The following SORCS2 variants were observed in gnomAD, a reference collection of about 807,000 sequenced individuals.
SORCS2 encodes the protein VPS10 domain-containing receptor SorCS2.
Under a neutral mutation model 141.6 loss-of-function variants are expected in SORCS2, and 100 were observed. The ratio of observed to expected loss-of-function variants is 0.71; its 90% CI spans 0.60 to 0.83. The LOEUF (loss-of-function observed/expected upper bound fraction) is 0.83. Ranked by LOEUF, SORCS2 falls within the 40% of genes least tolerant of loss-of-function variation. The pLI is 0.00. For missense variants in SORCS2, 1,646 were observed against 1,560.2 expected (o/e 1.05, Z -0.93); for synonymous variants, 789 against 676.9 (o/e 1.17, Z -2.57).
chr4:7,227,256 C>T (rs1436243069), intron 1 of SORCS2, among the ~76,000 whole-genome samples: 1 of 152,218 alleles, frequency 6.6e-6, no homozygotes. Context: ...TGGCTCCACA[C>T]CCCCACTTGC....
chr4:7,543,513 ATCCATCCG>A (rs1450149127), intron 3 of SORCS2, among the ~76,000 whole-genome samples: 8 of 71,662 alleles, frequency 1.1e-4, no homozygotes, highest in Non-Finnish European at 1.6e-4. Context: ...CCATCCATCC[ATCCATCCG>A]TCCATCCATC....
chr4:7,569,813 CTT>C (rs1715266803), intron 3 of SORCS2, among the ~76,000 whole-genome samples: 1 of 152,182 alleles, frequency 6.6e-6, no homozygotes, highest in South Asian at 2.1e-4. Context: ...GAAATAGATG[CTT>C]CTGCAAAACT....
intron 2 of SORCS2, among the ~76,000 whole-genome samples, chr4:7,409,256 G>A (rs1725157810): frequency 6.6e-6 from 1 of 152,200 alleles, no homozygotes; most frequent in East Asian, 1.9e-4. Flanking sequence ...TCTAAGTGGT[G>A]CCTTAAGCCC....
chr4:7,237,986 T>C (rs4689094), intron 1 of SORCS2, among the ~76,000 whole-genome samples: 45,940 of 151,870 alleles, frequency 0.3, 7,398 homozygotes, highest in East Asian at 0.48. Flanking sequence ...GGGATACCAG[T>C]GGACTGTGGG....
At chr4:7,282,171 C>T (rs1382853894) in intron 1 of SORCS2, among the ~76,000 whole-genome samples, 1 of 152,212 alleles carries the variant, frequency 6.6e-6, no homozygotes, top group African/African-American at 2.4e-5. Flanking sequence ...GCTGTCATTA[C>T]AGATGGGAAG....
At chr4:7,219,026 G>T (rs193223625) in intron 1 of SORCS2, among the ~76,000 whole-genome samples, 1 of 152,062 alleles carries the variant, frequency 6.6e-6, no homozygotes, top group Non-Finnish European at 1.5e-5. Flanking sequence ...CCATGCCTGG[G>T]TGACTCCCTC....
chr4:7,468,903 A>G (rs1729793405), intron 2 of SORCS2, among the ~76,000 whole-genome samples: 1 of 152,152 alleles, frequency 6.6e-6, no homozygotes, highest in Non-Finnish European at 1.5e-5. Context: ...CCTGCTCCAC[A>G]TCTGGTGGCC....
At chr4:7,566,715 C>G (rs1249850422) in intron 3 of SORCS2, among the ~76,000 whole-genome samples, 4 of 152,250 alleles carry the variant, frequency 2.6e-5, no homozygotes, top group African/African-American at 9.6e-5. Flanking sequence ...ATTGCTCTTG[C>G]TCACAGCCAA....
chr4:7,505,739 G>A (rs1732237640), intron 2 of SORCS2, among the ~76,000 whole-genome samples: 1 of 152,172 alleles, frequency 6.6e-6, no homozygotes, highest in African/African-American at 2.4e-5. Context: ...GGCAGCGCCA[G>A]TGAGAAGCCT....
chr4:7,679,322 G>T (rs2108960585), intron 9 of SORCS2, among the ~76,000 whole-genome samples: 1 of 152,304 alleles, frequency 6.6e-6, no homozygotes, highest in Middle Eastern at 3.4e-3. Flanking sequence ...AAGGAGCCCT[G>T]GCCACAAGGC....
intron 1 of SORCS2, among the ~76,000 whole-genome samples, chr4:7,227,538 G>T (rs1395741339): frequency 6.6e-6 from 1 of 152,168 alleles, no homozygotes; most frequent in African/African-American, 2.4e-5. Flanking sequence ...GCTTTCTTGA[G>T]ATTTGGTGGA....
At chr4:7,673,819 C>G (rs551333550) in intron 8 of SORCS2, among the ~76,000 whole-genome samples, 1 of 152,158 alleles carries the variant, frequency 6.6e-6, no homozygotes, top group Non-Finnish European at 1.5e-5. Context: ...GCCAAGCCCC[C>G]GAGCTCAAAG....
intron 1 of SORCS2, among the ~76,000 whole-genome samples, chr4:7,298,850 G>C (rs950878645): frequency 5.3e-4 from 81 of 152,340 alleles, no homozygotes; most frequent in African/African-American, 1.7e-3. Context: ...TGCTGCATCC[G>C]GTGCCCCACT....
chr4:7,684,263 T>C (rs1200222821), intron 10 of SORCS2, among the ~76,000 whole-genome samples: 1 of 152,196 alleles, frequency 6.6e-6, no homozygotes, highest in Non-Finnish European at 1.5e-5. Context: ...TGAGCCTCTG[T>C]TGAAAACGGA....
chr4:7,664,350 T>C lies in SORCS2; in HGVS notation c.953-3T>C, dbSNP rs368025617. ...CGCCTGGGTCGGCGCCTCTCTCCTG[T>C]AGATTTTCGGTACGTCACCTGCGCA... On this transcript the variant is annotated splice_region_variant and splice_polypyrimidine_tract_variant and intron_variant, in intron 6 of 26. Coordinates refer to ENST00000507866, the MANE Select transcript of SORCS2 (RefSeq NM_020777.3). This position sits in a 1 kb window ranked among gnomAD's most constrained non-coding sequence, Gnocchi z 4.7. 85 of 1,612,504 alleles carry C rather than the reference T, an allele frequency of 5.3e-5. No individual in the cohort carries two copies. The highest frequency in any genetic ancestry group is 5.1e-5 in the Non-Finnish European group (60 of 1,179,090).
At chr4:7,426,876 C>G (rs1484895311) in intron 2 of SORCS2, among the ~76,000 whole-genome samples, 2 of 152,202 alleles carry the variant, frequency 1.3e-5, no homozygotes, top group Admixed American at 1.3e-4. Flanking sequence ...CACATCTGCT[C>G]CGGCAATGCC....
intron 3 of SORCS2, among the ~76,000 whole-genome samples, chr4:7,560,284 G>C (rs1714442254): frequency 6.6e-6 from 1 of 152,190 alleles, no homozygotes; most frequent in Non-Finnish European, 1.5e-5. Context: ...AAGAGCCTCA[G>C]AGAATACACT....
chr4:7,705,984 G>A (rs1725403701), intron 14 of SORCS2, among the ~76,000 whole-genome samples: 1 of 152,262 alleles, frequency 6.6e-6, no homozygotes, highest in African/African-American at 2.4e-5. Context: ...TGCCCATCCT[G>A]CCCAGGCTGG....
At chr4:7,620,022 C>CTCCTCCTCCTCAT in intron 3 of SORCS2, among the ~76,000 whole-genome samples, 1 of 2,488 alleles carries the variant, frequency 4.0e-4, no homozygotes, top group African/African-American at 4.9e-4. Flanking sequence ...CTCCTCCTTC[C>CTCCTCCTCCTCAT]TCCTCCTCCT....
Sources: gnomAD v4.1 joint callset for allele counts (sites outside exome capture counted in the v4.1 genomes callset) on GRCh38, gnomAD v4.1.1 for gene constraint, Gnocchi (gnomAD v3.1) non-coding constraint, MANE v1.5 for transcripts, NCBI Gene and HGNC (gene_info 2026-07-23, HGNC 2026-07-21) for gene names.